HLCS: variants seen among roughly 807,000 people sequenced by gnomAD.
HLCS encodes the protein biotin--protein ligase.
Under a neutral mutation model 75.0 loss-of-function variants are expected in HLCS, and 53 were observed. That is an observed-to-expected ratio of 0.71 (90% confidence interval 0.57 to 0.89). HLCS has a LOEUF of 0.89. Among genes scored for constraint, HLCS ranks in the 40% least tolerant of loss-of-function variants. The pLI, the probability that HLCS is intolerant of heterozygous loss-of-function variation, is 0.00. For synonymous variants in HLCS, 431 were observed against 428.6 expected, an observed-to-expected ratio of 1.01 and a Z score of -0.07; for missense variants, 966 against 1,074.0, an observed-to-expected ratio of 0.90 and a Z score of 1.41.
At chr21:36,826,799 G>A (rs767176758) in intron 6 of HLCS, among the ~76,000 whole-genome samples, 10 of 152,296 alleles carry the variant, frequency 6.6e-5, no homozygotes, top group African/African-American at 1.9e-4. Flanking sequence ...AGTTAACAGC[G>A]GAACTGGGAC....
intron 6 of HLCS, among the ~76,000 whole-genome samples, chr21:36,833,851 C>T (rs1396858853): frequency 6.6e-6 from 1 of 152,094 alleles, no homozygotes; most frequent in Non-Finnish European, 1.5e-5. Context: ...TCAAAATTTG[C>T]TCACGAGCTA....
intron 1 of HLCS, among the ~76,000 whole-genome samples, chr21:36,963,222 A>G (rs2068397939): frequency 6.6e-6 from 1 of 152,230 alleles, no homozygotes; most frequent in South Asian, 2.1e-4. Flanking sequence ...GAAAAACAGC[A>G]AATTGATTTG....
chr21:36,966,425 G>GGCCCCCCCCC lies in HLCS; in HGVS notation c.195+18_195+19insGGGGGGGGGC. ...CCGGCTCGCGGGGCCCGGGTCGCCC[G>GGCCCCCCCCC]CCCGCCCGACCCGCCCACCTGGCTG... On this transcript the variant is annotated intron_variant, in intron 1 of 10. Coordinates refer to ENST00000674895, the MANE Select transcript of HLCS (RefSeq NM_001352514.2). The GGCCCCCCCCC allele has an allele frequency of 1.0e-5, 2 of 195,440 alleles. No individual in the cohort carries two copies. Among genetic ancestry groups the GGCCCCCCCCC allele is most frequent in the East Asian group, 2.3e-4 (1 of 4,316 alleles). The allele number at this position is 195,440 out of a possible 1,614,324, so 12.1% of individuals were successfully genotyped here. A position where few individuals can be genotyped will look rare whatever the true frequency, so the allele number is the denominator to read the frequency against.
chr21:36,882,997 C>T (rs527953419), intron 6 of HLCS, among the ~76,000 whole-genome samples: 145 of 152,256 alleles, frequency 9.5e-4, no homozygotes, highest in African/African-American at 3.3e-3. Flanking sequence ...AATTTGAATA[C>T]TCTTATGGGA....
chr21:36,889,587 C>T (rs1047706499), intron 6 of HLCS, among the ~76,000 whole-genome samples: 6 of 152,180 alleles, frequency 3.9e-5, no homozygotes, highest in African/African-American at 9.7e-5. Context: ...GCTTTTCCTG[C>T]AGTGACAATG....
intron 6 of HLCS, among the ~76,000 whole-genome samples, chr21:36,793,295 C>CTTTTTTTGTTTTT (rs2060927425): frequency 8.6e-6 from 1 of 116,262 alleles, no homozygotes. Context: ...AGGAAGCAGT[C>CTTTTTTTGTTTTT]TTTTTTTTTT....
intron 6 of HLCS, among the ~76,000 whole-genome samples, chr21:36,888,446 ATATATATATATATATATATATAT>A (rs1255611064): frequency 0.02 from 1,441 of 70,378 alleles, 103 homozygotes; most frequent in African/African-American, 0.057. Context: ...AAAAAAAAAA[ATATATATATATATATATATATAT>A]ATATATATAT....
intron 5 of HLCS, among the ~76,000 whole-genome samples, chr21:36,921,122 A>C (rs2066146109): frequency 6.6e-6 from 1 of 152,222 alleles, no homozygotes. Flanking sequence ...TAGGGCATAC[A>C]AAAGCAAACT....
chr21:36,763,321 T>C (rs1165729548), intron 8 of HLCS, among the ~76,000 whole-genome samples: 2 of 152,180 alleles, frequency 1.3e-5, no homozygotes, highest in East Asian at 3.9e-4. Context: ...GGACTTTCTA[T>C]TTTGATTGCT....
rs904928361 is a variant in HLCS, at chr21:36,752,621, G to A, written c.*1625C>T. 11 of 152,720 alleles carry A rather than the reference G, an allele frequency of 7.2e-5. No individual in the cohort carries two copies. The highest frequency in any genetic ancestry group is 2.2e-4 in the African/African-American group (9 of 41,550). The allele number at this position is 152,720 out of a possible 1,614,324, so 9.5% of individuals were successfully genotyped here. On this transcript the variant is annotated 3_prime_UTR_variant, in exon 11 of 11. Coordinates refer to ENST00000674895, the MANE Select transcript of HLCS (RefSeq NM_001352514.2). ...TTTTGAAAGAAGGCTTGGGCATTTG[G>A]AGAAGAGTGGTTTTTTTTGTGTTTT...
chr21:36,887,427 G>T (rs1340723409), intron 6 of HLCS, among the ~76,000 whole-genome samples: 1 of 152,058 alleles, frequency 6.6e-6, no homozygotes, highest in Non-Finnish European at 1.5e-5. Context: ...TGAAAAATCG[G>T]TGACAAAATA....
chr21:36,914,367 C>A (rs1294044574), intron 5 of HLCS, among the ~76,000 whole-genome samples: 1 of 152,190 alleles, frequency 6.6e-6, no homozygotes, highest in Non-Finnish European at 1.5e-5. Context: ...GCTATCTAAC[C>A]CCCAGGAATA....
At chr21:36,834,119 C>A (rs537141327) in intron 6 of HLCS, among the ~76,000 whole-genome samples, 1 of 152,212 alleles carries the variant, frequency 6.6e-6, no homozygotes, top group East Asian at 1.9e-4. Context: ...TGAGTACGCA[C>A]GGACTTTGGC....
At position 36,759,757 on chromosome 21, in the gene HLCS, G is replaced by A; in HGVS notation, c.2206C>T (p.Leu736Phe). The change falls in exon 9 of 11, where the codon CTC (leucine) becomes TTC (phenylalanine). Residue 736 changes from leucine to phenylalanine, a missense_variant. Leu to Phe is a conservative substitution (Grantham distance 22, BLOSUM62 0). Coordinates refer to ENST00000674895, the MANE Select transcript of HLCS (RefSeq NM_001352514.2). ...KIGGVLVNST[L>F]MGETFYILIG... The stretch of plus-strand genomic sequence containing the variant: ...AGTATATAAAATGTTTCTCCCATGA[G>A]TGTTGAGTTAACCAGAACTCCGCCG... 4 of 1,609,150 alleles carry A rather than the reference G, an allele frequency of 2.5e-6. No homozygotes were observed. The highest frequency in any genetic ancestry group is 3.4e-6 in the Non-Finnish European group (4 of 1,175,372).
chr21:36,954,113 C>G (rs936376724), intron 2 of HLCS, among the ~76,000 whole-genome samples: 1 of 151,996 alleles, frequency 6.6e-6, no homozygotes, highest in Non-Finnish European at 1.5e-5. Context: ...CGAGACCATC[C>G]TAGGCAACAT....
intron 4 of HLCS, 80 bp downstream of exon 4, chr21:36,936,369 T>C: frequency 8.0e-7 from 1 of 1,245,678 alleles, no homozygotes; most frequent in Non-Finnish European, 1.2e-6. Flanking sequence ...CTTTTAAGCG[T>C]GTACCTTTAA....
intron 6 of HLCS, among the ~76,000 whole-genome samples, chr21:36,895,063 G>T (rs1005975034): frequency 6.6e-6 from 1 of 151,902 alleles, no homozygotes; most frequent in Non-Finnish European, 1.5e-5. Flanking sequence ...TTGGTGACGC[G>T]CTGCCCTCTT....
intron 6 of HLCS, among the ~76,000 whole-genome samples, chr21:36,817,326 AGTCTT>A (rs2061692578): frequency 1.3e-5 from 2 of 152,112 alleles, no homozygotes; most frequent in South Asian, 4.2e-4. Context: ...TGTAAAACTG[AGTCTT>A]TCCACCAAAT....
intron 6 of HLCS, among the ~76,000 whole-genome samples, chr21:36,801,842 C>A (rs930726385): frequency 6.6e-6 from 1 of 151,400 alleles, no homozygotes; most frequent in African/African-American, 2.4e-5. Flanking sequence ...CTATGTTGCC[C>A]AAGCTGGTCT....
Sources: allele counts gnomAD v4.1 joint callset (sites outside exome capture counted in the v4.1 genomes callset), GRCh38; gene constraint gnomAD v4.1.1; transcripts MANE v1.5; gene names NCBI Gene and HGNC (gene_info 2026-07-23, HGNC 2026-07-21).